TRDN: variants seen among roughly 807,000 people sequenced by gnomAD.
TRDN encodes triadin.
In TRDN, 161 loss-of-function variants were observed where a neutral mutation model predicts 149.7. That is an observed-to-expected ratio of 1.08 (90% confidence interval 0.95 to 1.23). The LOEUF is 1.23. TRDN is among the 50% of genes most tolerant of loss of function. The pLI is 0.00. For missense variants in TRDN, 896 were observed against 823.5 expected (o/e 1.09, Z -1.08); for synonymous variants, 294 against 250.5 (o/e 1.17, Z -1.64).
chr6:123,256,683 A>C (rs1448150481), intron 35 of TRDN, among the ~76,000 whole-genome samples: 1 of 151,358 alleles, frequency 6.6e-6, no homozygotes, highest in East Asian at 1.9e-4. Context: ...TTTTCTTGTA[A>C]GTTTGTTTAA....
intron 33 of TRDN, among the ~76,000 whole-genome samples, chr6:123,261,104 A>C (rs1582791040): frequency 6.6e-6 from 1 of 151,928 alleles, no homozygotes; most frequent in East Asian, 1.9e-4. Flanking sequence ...ACAACTACTA[A>C]GTACCTACCA....
chr6:123,540,866 C>T (rs1780800636), intron 4 of TRDN, among the ~76,000 whole-genome samples: 1 of 152,188 alleles, frequency 6.6e-6, no homozygotes, highest in Non-Finnish European at 1.5e-5. Flanking sequence ...TAAGACATCA[C>T]TTGAATCTGA....
chr6:123,229,853 G>A (rs1037709801), intron 38 of TRDN, among the ~76,000 whole-genome samples: 1 of 151,886 alleles, frequency 6.6e-6, no homozygotes, highest in South Asian at 2.1e-4. Context: ...TAATTATGTA[G>A]GTTTGATAAG....
rs147270947 is a variant in TRDN at position 123,217,069 on chromosome 6, C to T, written c.*1532G>A. The T allele has an allele frequency of 3.7e-3, 563 of 152,062 alleles. 4 individuals are homozygous for T. The highest frequency in any genetic ancestry group is 0.013 in the African/African-American group (535 of 41,524). 9.4% of individuals were successfully genotyped at this position (152,062 alleles called of 1,614,324 possible). A position where few individuals can be genotyped will look rare whatever the true frequency, so the allele number is the denominator to read the frequency against. The stretch of plus-strand genomic sequence containing the variant: ...TGGTCATTCCTGAAATTATACACTT[C>T]CAGGATGTCCCACATACCCCATAAA... On this transcript the variant is annotated 3_prime_UTR_variant, in exon 41 of 41. Transcript: ENST00000334268.
In TRDN at chr6:123,253,647, G is replaced by T. The variant is rs1776455876; in HGVS notation, c.1952-1212C>A. Among the ~76,000 whole-genome samples the T allele has an allele frequency of 2.0e-5, 3 of 152,208 alleles. No individual in the cohort carries two copies. The South Asian group carries it at 6.2e-4, about 32-fold the overall frequency. On this transcript the variant is annotated intron_variant, in intron 37 of 40. Coordinates refer to ENST00000334268, the MANE Select transcript of TRDN (RefSeq NM_006073.4). The stretch of plus-strand genomic sequence containing the variant: ...TGAAGGAATGAATAAGAATATGCCT[G>T]CTCTCAATTATCTCTGAGTTGGACT...
chr6:123,591,927 C>T (rs765330661), intron 1 of TRDN, among the ~76,000 whole-genome samples: 48 of 152,074 alleles, frequency 3.2e-4, no homozygotes, highest in Non-Finnish European at 5.6e-4. Context: ...AGAAACAGGC[C>T]GATAAAGCTG....
intron 5 of TRDN, among the ~76,000 whole-genome samples, chr6:123,525,844 T>TG (rs1779918638): frequency 6.6e-6 from 1 of 152,118 alleles, no homozygotes; most frequent in Admixed American, 6.6e-5. Flanking sequence ...TAATTAGATC[T>TG]GGTGATTTGA....
intron 12 of TRDN, among the ~76,000 whole-genome samples, chr6:123,414,074 A>G (rs1415983463): frequency 6.6e-6 from 1 of 152,090 alleles, no homozygotes; most frequent in African/African-American, 2.4e-5. Flanking sequence ...AAGCCTGCAC[A>G]ATTTCTCTGA....
chr6:123,443,688 A>G (rs568930120), intron 10 of TRDN, among the ~76,000 whole-genome samples: 23 of 151,594 alleles, frequency 1.5e-4, no homozygotes, highest in Admixed American at 2.6e-4. Flanking sequence ...TCTTGAATTG[A>G]TTTTTGTATA....
intron 1 of TRDN, among the ~76,000 whole-genome samples, chr6:123,627,315 G>A (rs1249791301): frequency 3.3e-5 from 5 of 152,082 alleles, no homozygotes; most frequent in Admixed American, 6.6e-5. Flanking sequence ...TGTTAGGCAC[G>A]AAAACAACAT....
chr6:123,401,400 G>T (rs139816110), intron 12 of TRDN, among the ~76,000 whole-genome samples: 2 of 152,216 alleles, frequency 1.3e-5, no homozygotes, highest in African/African-American at 4.8e-5. Flanking sequence ...AGGGGGTTAG[G>T]GGTTGAACAT....
At chr6:123,326,037 T>C (rs1285581340) in intron 23 of TRDN, among the ~76,000 whole-genome samples, 1 of 151,918 alleles carries the variant, frequency 6.6e-6, no homozygotes, top group Non-Finnish European at 1.5e-5. Context: ...GCAGAGAGAG[T>C]GATTACTAGT....
At position 123,454,552 on chromosome 6, in the gene TRDN, G is replaced by A. The variant is rs555265288; in HGVS notation, c.931+10354C>T. 4.6e-5 allele frequency among the ~76,000 whole-genome samples: 7 copies of A among 152,282 alleles called. No individual in the cohort carries two copies. In the South Asian group the frequency reaches 1.0e-3, roughly 23 times the overall value. ...AGGAAATGGGCTCAGGAAAGATGAC[G>A]AATGTGGCCAACTTCACAGGTCATA... On this transcript the variant is annotated intron_variant, in intron 10 of 40. Transcript: ENST00000334268.
At position 123,508,091 on chromosome 6, in the gene TRDN, A is replaced by G. The variant is rs1162728642; in HGVS notation, c.611-4190T>C. Among the ~76,000 whole-genome samples, 5 of 152,300 alleles carry G rather than the reference A, an allele frequency of 3.3e-5. No homozygotes were observed. The East Asian group carries it at 7.7e-4, about 24-fold the overall frequency. On this transcript the variant is annotated intron_variant, in intron 7 of 40. Coordinates refer to ENST00000334268, the MANE Select transcript of TRDN (RefSeq NM_006073.4). The stretch of plus-strand genomic sequence containing the variant: ...TAACTTTGAATTCTGCAAAATAAGT[A>G]TGTAAACATTTCTAATATTATATCT...
intron 23 of TRDN, 131 bp downstream of exon 23, chr6:123,331,748 T>C: frequency 3.5e-6 from 2 of 565,172 alleles, no homozygotes; most frequent in Non-Finnish European, 5.8e-6. Context: ...ATCTTTTTTC[T>C]TTTGCTTAAA....
intron 38 of TRDN, among the ~76,000 whole-genome samples, chr6:123,238,484 C>A (rs745932643): frequency 7.9e-5 from 12 of 151,710 alleles, no homozygotes; most frequent in Non-Finnish European, 1.5e-4. Context: ...ATAATAAAAA[C>A]ATATAAAAGG....
intron 8 of TRDN, chr6:123,503,509 C>G: frequency 7.1e-7 from 1 of 1,406,376 alleles, no homozygotes; most frequent in Admixed American, 3.2e-5. Context: ...TCAAAATGCC[C>G]CTTTAGATCT....
chr6:123,410,603 A>T (rs1693639369), intron 12 of TRDN, among the ~76,000 whole-genome samples: 1 of 152,162 alleles, frequency 6.6e-6, no homozygotes, highest in Admixed American at 6.5e-5. Context: ...CAACAAATAA[A>T]CATAGGGTCA....
chr6:123,559,748 A>G (rs1282468255), intron 2 of TRDN, among the ~76,000 whole-genome samples: 3 of 152,190 alleles, frequency 2.0e-5, no homozygotes, highest in Non-Finnish European at 4.4e-5. Flanking sequence ...GACAAGCCTT[A>G]CAAGTTAGTT....
Sources: gnomAD v4.1 joint callset for allele counts (sites outside exome capture counted in the v4.1 genomes callset) on GRCh38, gnomAD v4.1.1 for gene constraint, MANE v1.5 for transcripts, NCBI Gene and HGNC (gene_info 2026-07-23, HGNC 2026-07-21) for gene names.